ADGRL2: variants seen among roughly 807,000 people sequenced by gnomAD.
ADGRL2 encodes the protein adhesion G protein-coupled receptor L2.
In ADGRL2, 44 loss-of-function variants were observed where a neutral mutation model predicts 157.4. That is an observed-to-expected ratio of 0.28 (90% confidence interval 0.22 to 0.36). The LOEUF (loss-of-function observed/expected upper bound fraction) is 0.36, where lower values mean the gene tolerates loss of function less well. ADGRL2 is among the 10% of genes least tolerant of loss of function. The probability of loss-of-function intolerance (pLI) is 1.00; values close to 1 mark genes in which losing one functional copy is unlikely to be tolerated. For missense variants in ADGRL2, 1,510 were observed against 1,768.9 expected, an observed-to-expected ratio of 0.85 and a Z score of 2.63; for synonymous variants, 585 against 624.7, an observed-to-expected ratio of 0.94 and a Z score of 0.95.
At chr1:81,490,608 C>T (rs961068644) in intron 2 of ADGRL2, among the ~76,000 whole-genome samples, 10 of 152,284 alleles carry the variant, frequency 6.6e-5, no homozygotes, top group African/African-American at 2.2e-4. Flanking sequence ...TGGGATACTA[C>T]TAACACCCAC....
rs770405766 is a variant in ADGRL2 at position 81,950,446 on chromosome 1, A to G, written c.1468A>G (p.Met490Val). The change falls in exon 7 of 24, where the codon ATG becomes GTG. Residue 490 changes from methionine to valine, a missense_variant. Met to Val is a conservative substitution (Grantham distance 21, BLOSUM62 1). Around this residue, in one of 4 missense-constraint regions of ADGRL2, gnomAD observed 325 missense variants for 333.2 expected, o/e 0.98. Coordinates refer to ENST00000686636, the MANE Select transcript of ADGRL2 (RefSeq NM_001366006.2). ...GIKWPQTQRG[M>V]MVERPCPKGT... ...AAAGTGGCCTCAGACACAAAGGGGA[A>G]TGATGGTTGAACGACCATGCCCTAA... 31 of 1,613,976 alleles carry G rather than the reference A, an allele frequency of 1.9e-5. No individual in the cohort carries two copies. In the Middle Eastern group the frequency reaches 5.0e-4, roughly 26 times the overall value.
At chr1:81,521,759 G>T (rs17106630) in intron 2 of ADGRL2, among the ~76,000 whole-genome samples, 9,255 of 152,152 alleles carry the variant, frequency 0.061, 332 homozygotes, top group South Asian at 0.097. Flanking sequence ...AAGGTGTCAG[G>T]CTACTGAGAC....
At chr1:81,352,932 C>A (rs931408872) in intron 1 of ADGRL2, among the ~76,000 whole-genome samples, 2 of 151,950 alleles carry the variant, frequency 1.3e-5, no homozygotes, top group African/African-American at 4.8e-5. Flanking sequence ...GATAGAAAAA[C>A]AAAACAATTT....
At chr1:81,499,644 G>C (rs1306813358) in intron 2 of ADGRL2, among the ~76,000 whole-genome samples, 1 of 152,218 alleles carries the variant, frequency 6.6e-6, no homozygotes, top group Admixed American at 6.5e-5. Context: ...ACATGAGACA[G>C]CATGATGTGA....
chr1:81,596,426 G>A, intron 3 of ADGRL2: 2 of 466,662 alleles, frequency 4.3e-6, no homozygotes, highest in South Asian at 1.7e-5. Flanking sequence ...ATTTTACATT[G>A]CAGCTCGTTA....
At chr1:81,725,412 G>T (rs753854733) in intron 1 of ADGRL2, among the ~76,000 whole-genome samples, 1 of 151,780 alleles carries the variant, frequency 6.6e-6, no homozygotes, top group African/African-American at 2.4e-5. Context: ...GGTAGCAGGC[G>T]CCTGTAATCC....
At chr1:81,663,398 T>A (rs1206804493) in intron 3 of ADGRL2, among the ~76,000 whole-genome samples, 2 of 152,164 alleles carry the variant, frequency 1.3e-5, no homozygotes, top group African/African-American at 2.4e-5. Context: ...AATAGAGTAG[T>A]TAAGCTTCTA....
At chr1:81,449,265 A>T (rs892384267) in intron 2 of ADGRL2, among the ~76,000 whole-genome samples, 1 of 151,068 alleles carries the variant, frequency 6.6e-6, no homozygotes, top group Non-Finnish European at 1.5e-5. Flanking sequence ...CTTTGGATAC[A>T]TAGTGCTTTT....
At chr1:81,912,103 A>T (rs758370132) in intron 3 of ADGRL2, among the ~76,000 whole-genome samples, 15 of 151,032 alleles carry the variant, frequency 9.9e-5, no homozygotes, top group Non-Finnish European at 2.1e-4. Flanking sequence ...ATAGGGTCTC[A>T]CTCCCTTGCC....
intron 2 of ADGRL2, among the ~76,000 whole-genome samples, chr1:81,544,239 G>A (rs1570449497): frequency 6.6e-6 from 1 of 152,088 alleles, no homozygotes; most frequent in East Asian, 1.9e-4. Flanking sequence ...ATTTTATTCT[G>A]TAAAATAATT....
chr1:81,795,989 T>C (rs1345708197), upstream of ADGRL2, among the ~76,000 whole-genome samples: 1 of 152,138 alleles, frequency 6.6e-6, no homozygotes, highest in East Asian at 1.9e-4. Context: ...TGTTTTGTTT[T>C]GTTTTGTTTT....
intron 1 of ADGRL2, among the ~76,000 whole-genome samples, chr1:81,410,012 T>A (rs570392084): frequency 1.7e-4 from 26 of 152,296 alleles, no homozygotes; most frequent in Non-Finnish European, 2.9e-4. Flanking sequence ...AATAAGTTAG[T>A]GGACAGGTCT....
intron 1 of ADGRL2, among the ~76,000 whole-genome samples, chr1:81,803,324 G>C (rs1290330148): frequency 6.6e-6 from 1 of 152,084 alleles, no homozygotes; most frequent in Non-Finnish European, 1.5e-5. Flanking sequence ...AGACTTCTGC[G>C]CTTGGGACCC....
At chr1:81,904,053 T>C (rs899861154) in intron 2 of ADGRL2, among the ~76,000 whole-genome samples, 3 of 152,012 alleles carry the variant, frequency 2.0e-5, no homozygotes, top group Non-Finnish European at 4.4e-5. Context: ...CCAAAGGAAA[T>C]AGACATTACA....
chr1:81,465,582 A>G (rs1207244199), intron 2 of ADGRL2, among the ~76,000 whole-genome samples: 1 of 152,120 alleles, frequency 6.6e-6, no homozygotes, highest in African/African-American at 2.4e-5. Flanking sequence ...CATAGTACAA[A>G]GTAATATTAA....
At chr1:81,747,740 A>C (rs914816870) in intron 1 of ADGRL2, among the ~76,000 whole-genome samples, 1 of 146,720 alleles carries the variant, frequency 6.8e-6, no homozygotes, top group Non-Finnish European at 1.5e-5. Context: ...TGTGTGTAAG[A>C]GACAGAGAGA....
chr1:81,346,765 T>C (rs1352172573), intron 1 of ADGRL2, among the ~76,000 whole-genome samples: 3 of 152,198 alleles, frequency 2.0e-5, no homozygotes, highest in African/African-American at 4.8e-5. Context: ...TCTAGAACTA[T>C]GAGAAATAAA....
At chr1:81,980,242 T>C (rs187797673) in intron 18 of ADGRL2, among the ~76,000 whole-genome samples, 2 of 151,868 alleles carry the variant, frequency 1.3e-5, no homozygotes, top group Non-Finnish European at 3.0e-5. Context: ...CAGTTCAAAA[T>C]GATTTTCGTA....
chr1:81,809,884 T>G (rs2089645044), intron 1 of ADGRL2, among the ~76,000 whole-genome samples: 1 of 151,924 alleles, frequency 6.6e-6, no homozygotes, highest in Admixed American at 6.6e-5. Context: ...GTCAAATATA[T>G]CTATATCTCC....
Sources: gnomAD v4.1 joint callset for allele counts (sites outside exome capture counted in the v4.1 genomes callset) on GRCh38, gnomAD v4.1.1 for gene constraint, gnomAD v4.1.1 regional missense constraint, MANE v1.5 for transcripts, NCBI Gene and HGNC (gene_info 2026-07-23, HGNC 2026-07-21) for gene names.